FBXO25: variants seen among roughly 807,000 people sequenced by gnomAD.
FBXO25 encodes the protein F-box protein 25, also known as F-box only protein 25.
FBXO25 carries 45 observed loss-of-function variants against 51.9 expected under a neutral mutation model. The ratio of observed to expected loss-of-function variants is 0.87; its 90% CI spans 0.68 to 1.11. The LOEUF (loss-of-function observed/expected upper bound fraction) is 1.11, where lower values mean the gene tolerates loss of function less well. Ranked by LOEUF, FBXO25 falls within the 50% of genes most tolerant of loss-of-function variation. The pLI is 0.00. For synonymous variants in FBXO25, 199 were observed against 151.0 expected (o/e 1.32, Z -2.33); for missense variants, 507 against 428.5 (o/e 1.18, Z -1.62).
At chr8:408,330 A>G in intron 1 of FBXO25, among the ~76,000 whole-genome samples, 1 of 151,968 alleles carries the variant, frequency 6.6e-6, no homozygotes, top group East Asian at 1.9e-4. Flanking sequence ...GACGGTAAAA[A>G]AAAAAAAAGT....
At chr8:425,268 T>G in intron 2 of FBXO25, among the ~76,000 whole-genome samples, 1 of 152,308 alleles carries the variant, frequency 6.6e-6, no homozygotes. Context: ...CACTATAGTT[T>G]AGTGTTGTTT....
chr8:453,781 T>G (rs1267463510), intron 7 of FBXO25, among the ~76,000 whole-genome samples: 1 of 152,146 alleles, frequency 6.6e-6, no homozygotes. Context: ...CTTTCTCCAG[T>G]GAGCTGACAG....
chr8:421,639 G>A (rs1355972110), intron 2 of FBXO25, among the ~76,000 whole-genome samples: 2 of 152,180 alleles, frequency 1.3e-5, no homozygotes, highest in African/African-American at 2.4e-5. Flanking sequence ...GTCTATGCAT[G>A]TGTGAGTTAG....
At chr8:441,380 A>C (rs139562201) in intron 5 of FBXO25, among the ~76,000 whole-genome samples, 1 of 152,218 alleles carries the variant, frequency 6.6e-6, no homozygotes, top group African/African-American at 2.4e-5. Flanking sequence ...GATGGATTAA[A>C]GACTTAAACA....
intron 8 of FBXO25, among the ~76,000 whole-genome samples, chr8:461,561 C>T (rs528629815): frequency 6.6e-5 from 10 of 152,292 alleles, no homozygotes; most frequent in South Asian, 4.1e-4. Flanking sequence ...GTCCCTCCCA[C>T]GGCACATGGG....
chr8:450,981 T>G, intron 6 of FBXO25: 1 of 239,002 alleles, frequency 4.2e-6, no homozygotes, highest in Non-Finnish European at 8.0e-6. Context: ...GTTTGACTAC[T>G]CATGTAAGTG....
chr8:455,979 CTCTA>C (rs1799400691), intron 7 of FBXO25, among the ~76,000 whole-genome samples: 1 of 152,232 alleles, frequency 6.6e-6, no homozygotes. Context: ...TCACACCAGA[CTCTA>C]TAACTCTACT....
At chr8:459,548 A>G (rs546623565) in intron 8 of FBXO25, among the ~76,000 whole-genome samples, 1 of 152,214 alleles carries the variant, frequency 6.6e-6, no homozygotes, top group South Asian at 2.1e-4. Context: ...TGGAGTGGAT[A>G]CAAGAGGATC....
intron 5 of FBXO25, among the ~76,000 whole-genome samples, chr8:447,764 G>A (rs1361333652): frequency 6.6e-6 from 1 of 152,050 alleles, no homozygotes; most frequent in African/African-American, 2.4e-5. Flanking sequence ...ATAATTTTGT[G>A]CAACCCATCA....
intron 7 of FBXO25, among the ~76,000 whole-genome samples, chr8:454,103 G>T (rs1425887580): frequency 3.3e-5 from 5 of 152,102 alleles, no homozygotes; most frequent in African/African-American, 9.7e-5. Flanking sequence ...CAGCGTGGGC[G>T]ACAAGAGTGA....
chr8:418,493 C>G (rs942857884), intron 2 of FBXO25, among the ~76,000 whole-genome samples: 2 of 151,850 alleles, frequency 1.3e-5, no homozygotes, highest in African/African-American at 2.4e-5. Context: ...GCGCCCACCA[C>G]CACACCTGGC....
chr8:467,905 T>C (rs1800287655), intron 9 of FBXO25: 1 of 1,496,722 alleles, frequency 6.7e-7, no homozygotes, highest in Non-Finnish European at 8.9e-7. Flanking sequence ...GCCACTTTGA[T>C]CAAACACCTC....
In FBXO25 at chr8:468,221, T is replaced by C. The variant is rs141554537; in HGVS notation, c.988-494T>C. On this transcript the variant is annotated intron_variant, in intron 9 of 9. Coordinates refer to ENST00000350302, the MANE Select transcript of FBXO25 (RefSeq NM_183420.2). ...AGCTCCCTTGGAGCAAGCAGGAGCC[T>C]TGGGGGCTGAGGCCGTGTGTCCCCC... is the stretch of plus-strand genomic sequence containing the variant. 3.2e-4 allele frequency: 321 copies of C among 1,009,926 alleles called. No individual in the cohort carries two copies. In the African/African-American group the frequency reaches 5.1e-3, roughly 16 times the overall value. 62.6% of individuals were successfully genotyped at this position (1,009,926 alleles called of 1,614,324 possible).
At chr8:451,165 TTGTC>T in intron 6 of FBXO25, 100 bp from the exon 7 acceptor site, 5 of 910,886 alleles carry the variant, frequency 5.5e-6, no homozygotes, top group South Asian at 1.8e-5. Context: ...CACACGTTGT[TTGTC>T]TGTTCGTCTA....
rs184112825 is a variant in FBXO25, at chr8:463,895, C to T, written c.987+745C>T. On this transcript the variant is annotated intron_variant, in intron 9 of 9. Coordinates refer to ENST00000350302, the MANE Select transcript of FBXO25 (RefSeq NM_183420.2). ...GTGGCGTCATCACGGCTCACTGCAG[C>T]CTCTACCTCCTGCCTCTCAAGTAGC... Among the ~76,000 whole-genome samples, 113 of 152,218 alleles carry T rather than the reference C, an allele frequency of 7.4e-4. 2 individuals are homozygous for T. The highest frequency in any genetic ancestry group is 2.6e-3 in the African/African-American group (107 of 41,534).
chr8:468,153 A>C, intron 9 of FBXO25: 1 of 1,027,368 alleles, frequency 9.7e-7, no homozygotes, highest in Non-Finnish European at 1.2e-6. Flanking sequence ...GTCACTTCTC[A>C]TATTAAATAT....
chr8:413,354 C>T (rs186942153), intron 2 of FBXO25, 141 bp downstream of exon 2: 2 of 1,329,262 alleles, frequency 1.5e-6, no homozygotes, highest in Non-Finnish European at 1.9e-6. Flanking sequence ...AGTTGTTTAG[C>T]TAAAAAATGA....
At chr8:452,926 CT>C (rs2116740367) in intron 7 of FBXO25, among the ~76,000 whole-genome samples, 1 of 152,302 alleles carries the variant, frequency 6.6e-6, no homozygotes, top group South Asian at 2.1e-4. Context: ...TCTGGATCTT[CT>C]TTCCATTCAT....
chr8:466,516 A>G (rs914084882), intron 9 of FBXO25, among the ~76,000 whole-genome samples: 1 of 152,178 alleles, frequency 6.6e-6, no homozygotes, highest in Non-Finnish European at 1.5e-5. Context: ...TGACTGAGAA[A>G]CTAAAGTAAT....
Sources: allele counts gnomAD v4.1 joint callset (sites outside exome capture counted in the v4.1 genomes callset), GRCh38; gene constraint gnomAD v4.1.1; transcripts MANE v1.5; gene names NCBI Gene and HGNC (gene_info 2026-07-23, HGNC 2026-07-21).